Variants in PLB1 observed in about 807,000 individuals in gnomAD.
PLB1 encodes phospholipase B1, membrane-associated.
Under a neutral mutation model 227.4 loss-of-function variants are expected in PLB1, and 242 were observed. The ratio of observed to expected loss-of-function variants is 1.06; its 90% CI spans 0.96 to 1.18. The LOEUF (loss-of-function observed/expected upper bound fraction) is 1.18. PLB1 is among the 50% of genes most tolerant of loss of function. The pLI is 0.00. For missense variants in PLB1, 1,858 were observed against 1,816.3 expected (o/e 1.02, Z -0.42); for synonymous variants, 757 against 682.2 (o/e 1.11, Z -1.71).
At position 28,526,832 on chromosome 2, in the gene PLB1, G is replaced by A. The variant is rs1245956431; in HGVS notation, c.325+887G>A. On this transcript the variant is annotated intron_variant, in intron 6 of 57. Transcript: ENST00000327757. ...GGGCCCATGAATTGTTAGGTTCCCT[G>A]GAAAGCACAGGGATGAACAGGATGC... Among the ~76,000 whole-genome samples, 13 of 152,312 alleles carry A rather than the reference G, an allele frequency of 8.5e-5. No homozygotes were observed. In the East Asian group the frequency reaches 2.5e-3, roughly 29 times the overall value.
At chr2:28,525,189 A>G (rs2148186339) in intron 4 of PLB1, 78 bp from the exon 5 acceptor site, 1 of 1,385,308 alleles carries the variant, frequency 7.2e-7, no homozygotes, top group Admixed American at 1.9e-5. Flanking sequence ...GGGAGTTCTG[A>G]CAGGCAGCTT....
intron 4 of PLB1, among the ~76,000 whole-genome samples, chr2:28,524,198 G>A (rs2148185064): frequency 6.6e-6 from 1 of 152,292 alleles, no homozygotes; most frequent in East Asian, 1.9e-4. Flanking sequence ...GTAGCTGTCT[G>A]CCTGTCACCA....
chr2:28,588,231 G>C (rs970673948), intron 26 of PLB1, among the ~76,000 whole-genome samples: 7 of 152,170 alleles, frequency 4.6e-5, no homozygotes, highest in Non-Finnish European at 1.0e-4. Context: ...TCCACTGTGA[G>C]CCCATCTGGC....
At chr2:28,619,307 A>C (rs1373090966) in intron 46 of PLB1, among the ~76,000 whole-genome samples, 1 of 152,170 alleles carries the variant, frequency 6.6e-6, no homozygotes, top group Non-Finnish European at 1.5e-5. Flanking sequence ...ATGTGTGTGA[A>C]TGTGTTTCCA....
chr2:28,543,528 G>T (rs1418316514), intron 14 of PLB1, among the ~76,000 whole-genome samples: 1 of 152,248 alleles, frequency 6.6e-6, no homozygotes, highest in Non-Finnish European at 1.5e-5. Context: ...TTTCCCAGAG[G>T]TGGGGCCGTT....
chr2:28,527,862 C>T (rs773952189), intron 6 of PLB1, among the ~76,000 whole-genome samples: 86 of 152,194 alleles, frequency 5.7e-4, no homozygotes, highest in Non-Finnish European at 8.4e-4. Context: ...CTCTTTCAGA[C>T]CTATCACCAA....
At chr2:28,549,927 AG>A in intron 15 of PLB1, 82 bp from the exon 16 acceptor site, 1 of 1,214,394 alleles carries the variant, frequency 8.2e-7, no homozygotes, top group South Asian at 1.3e-5. Context: ...GTTGGCCAAA[AG>A]CATCACTGGA....
At chr2:28,533,629 A>G (rs1043995181) in intron 9 of PLB1, among the ~76,000 whole-genome samples, 6 of 152,260 alleles carry the variant, frequency 3.9e-5, no homozygotes, top group African/African-American at 1.2e-4. Flanking sequence ...ATATTCATGT[A>G]TAAATTCATT....
At chr2:28,518,279 A>G (rs1669089078) in intron 2 of PLB1, among the ~76,000 whole-genome samples, 187 bp from the exon 3 acceptor site, 1 of 152,114 alleles carries the variant, frequency 6.6e-6, no homozygotes, top group African/African-American at 2.4e-5. Flanking sequence ...TTGTCAATAG[A>G]CTTATGTACG....
chr2:28,582,321 C>A, intron 24 of PLB1, 84 bp from the exon 25 acceptor site: 1 of 1,297,392 alleles, frequency 7.7e-7, no homozygotes, highest in Non-Finnish European at 1.1e-6. Context: ...AGATCTGAAA[C>A]TTCAGCAGGA....
chr2:28,620,510 GAACCC>G, intron 47 of PLB1, 85 bp from the exon 48 acceptor site: 4 of 1,501,812 alleles, frequency 2.7e-6, no homozygotes, highest in Non-Finnish European at 3.6e-6. Flanking sequence ...CAGGGGCCCA[GAACCC>G]GGTTCCGGTT....
At chr2:28,541,185 T>TTAAATAAATAAATAAATAAATAAATAAA (rs35262780) in intron 12 of PLB1, among the ~76,000 whole-genome samples, 10 of 150,106 alleles carry the variant, frequency 6.7e-5, no homozygotes, top group Admixed American at 2.7e-4. Context: ...AATAAATAAA[T>TTAAATAAATAAATAAATAAATAAATAAA]TAAATAAATA....
At chr2:28,567,473 T>C (rs1677183076) in intron 20 of PLB1, among the ~76,000 whole-genome samples, 1 of 139,798 alleles carries the variant, frequency 7.2e-6, no homozygotes, top group Non-Finnish European at 1.5e-5. Context: ...CTTTCTCTTT[T>C]TTTTTTTTTT....
intron 19 of PLB1, 64 bp downstream of exon 19, chr2:28,565,417 G>A (rs1010832823): frequency 1.0e-5 from 15 of 1,457,030 alleles, no homozygotes; most frequent in Non-Finnish European, 1.4e-5. Context: ...AGCCCCCTGA[G>A]TGTTCTAGAA....
At position 28,589,545 on chromosome 2, in the gene PLB1, A is replaced by AT. The variant is rs1465165794; in HGVS notation, c.1911_1912insT (p.Lys638Ter). 6.8e-6 allele frequency: 11 copies of AT among 1,614,032 alleles called. No individual in the cohort carries two copies. The highest frequency in any genetic ancestry group is 8.5e-6 in the Non-Finnish European group (10 of 1,179,978). The stretch of plus-strand genomic sequence containing the variant: ...CGTTCTTTGAAAACGTGGACATGCC[A>AT]AAGACCTCGGTAAAGAAAGCAAGCA... On this transcript the variant is annotated frameshift_variant, in exon 27 of 58. Transcript: ENST00000327757. LOFTEE classifies it high-confidence loss of function.
chr2:28,610,277 C>G (rs1007702427), intron 43 of PLB1, among the ~76,000 whole-genome samples: 1 of 151,862 alleles, frequency 6.6e-6, no homozygotes, highest in African/African-American at 2.4e-5. Flanking sequence ...TTCACACTTT[C>G]TTACCACCTG....
intron 39 of PLB1, among the ~76,000 whole-genome samples, chr2:28,603,273 A>G (rs1340516862): frequency 6.6e-6 from 1 of 152,206 alleles, no homozygotes; most frequent in Non-Finnish European, 1.5e-5. Context: ...AAAGCAAGGA[A>G]AAGGTACAAG....
intron 53 of PLB1, among the ~76,000 whole-genome samples, chr2:28,630,193 G>GAC (rs879784398): frequency 8.5e-5 from 13 of 152,266 alleles, no homozygotes; most frequent in Admixed American, 7.8e-4. Flanking sequence ...CAAACCCAGG[G>GAC]ACAGAGCCAT....
chr2:28,604,572 C>G, intron 40 of PLB1, 83 bp from the exon 41 acceptor site: 3 of 1,047,954 alleles, frequency 2.9e-6, no homozygotes, highest in Non-Finnish European at 4.2e-6. Context: ...GGGAGATGGA[C>G]TGCCCACCAC....
Sources: gnomAD v4.1 joint callset for allele counts (sites outside exome capture counted in the v4.1 genomes callset) on GRCh38, gnomAD v4.1.1 for gene constraint, MANE v1.5 for transcripts, NCBI Gene and HGNC (gene_info 2026-07-23, HGNC 2026-07-21) for gene names.